The following CENPP variants were observed in gnomAD, a reference collection of about 807,000 sequenced individuals.
CENPP encodes centromere protein P.
CENPP carries 24 observed loss-of-function variants against 35.6 expected under a neutral mutation model. That is an observed-to-expected ratio of 0.67 (90% CI 0.49 to 0.95). CENPP has a LOEUF of 0.95. Among genes scored for constraint, CENPP ranks in the 40% least tolerant of loss-of-function variants. The pLI is 0.00. For synonymous variants in CENPP, 120 were observed against 125.5 expected, an observed-to-expected ratio of 0.96 and a Z score of 0.29; for missense variants, 332 against 345.3, an observed-to-expected ratio of 0.96 and a Z score of 0.31.
intron 4 of CENPP, among the ~76,000 whole-genome samples, chr9:92,362,574 G>C (rs1410458651): frequency 6.6e-6 from 1 of 152,196 alleles, no homozygotes; most frequent in Non-Finnish European, 1.5e-5. Flanking sequence ...CAATGAAACT[G>C]TTGTATTTCT....
chr9:92,568,922 T>C (rs1228228944), intron 5 of CENPP, among the ~76,000 whole-genome samples: 4 of 152,234 alleles, frequency 2.6e-5, no homozygotes, highest in Non-Finnish European at 5.9e-5. Flanking sequence ...GCCCACTTTT[T>C]GATGGGGTTG....
At chr9:92,401,541 C>T (rs980705178) in intron 5 of CENPP, among the ~76,000 whole-genome samples, 1 of 152,126 alleles carries the variant, frequency 6.6e-6, no homozygotes, top group African/African-American at 2.4e-5. Flanking sequence ...GAAACTGTTC[C>T]TCAGGGGTCT....
chr9:92,604,896 C>A (rs1171964172), intron 5 of CENPP, among the ~76,000 whole-genome samples: 2 of 152,034 alleles, frequency 1.3e-5, no homozygotes, highest in Admixed American at 6.6e-5. Context: ...ACCCGGCCTG[C>A]ATTTTTATTT....
chr9:92,451,361 C>A (rs1844703423), intron 5 of CENPP, among the ~76,000 whole-genome samples: 1 of 146,478 alleles, frequency 6.8e-6, no homozygotes, highest in Non-Finnish European at 1.5e-5. Flanking sequence ...GGAATCCTTT[C>A]CCCATTGCTT....
intron 5 of CENPP, among the ~76,000 whole-genome samples, chr9:92,402,954 A>G (rs1843178673): frequency 6.6e-6 from 1 of 152,184 alleles, no homozygotes; most frequent in Admixed American, 6.5e-5. Flanking sequence ...TAATATATAA[A>G]TTGCAACTGG....
chr9:92,485,612 G>C (rs1399933573), intron 5 of CENPP, among the ~76,000 whole-genome samples: 1 of 152,158 alleles, frequency 6.6e-6, no homozygotes, highest in Non-Finnish European at 1.5e-5. Context: ...TCTAGACATG[G>C]ACAACAGTGG....
chr9:92,568,448 G>C (rs1235473321), intron 5 of CENPP, among the ~76,000 whole-genome samples: 1 of 152,116 alleles, frequency 6.6e-6, no homozygotes. Flanking sequence ...GTATTCCATG[G>C]TGTATATGTG....
At chr9:92,609,228 C>A (rs1310553056) in intron 5 of CENPP, among the ~76,000 whole-genome samples, 1 of 152,270 alleles carries the variant, frequency 6.6e-6, no homozygotes, top group African/African-American at 2.4e-5. Context: ...CTGCGATGCA[C>A]CCTTGCCATG....
At chr9:92,599,106 ACT>A (rs1850847759) in intron 5 of CENPP, among the ~76,000 whole-genome samples, 1 of 150,484 alleles carries the variant, frequency 6.6e-6, no homozygotes, top group Admixed American at 6.6e-5. Context: ...CCAGAGTAAG[ACT>A]CTGTGTCAAA....
chr9:92,524,479 A>T (rs537248975), intron 5 of CENPP, among the ~76,000 whole-genome samples: 1 of 152,260 alleles, frequency 6.6e-6, no homozygotes, highest in Non-Finnish European at 1.5e-5. Flanking sequence ...CAAAGGATTC[A>T]CTCAGCCAAT....
At chr9:92,432,340 A>G (rs551894536) in intron 5 of CENPP, among the ~76,000 whole-genome samples, 2 of 152,152 alleles carry the variant, frequency 1.3e-5, no homozygotes, top group East Asian at 3.9e-4. Flanking sequence ...AAAAAAAGGA[A>G]AAAAGAAAAT....
chr9:92,479,034 T>C (rs1845817041), intron 5 of CENPP, among the ~76,000 whole-genome samples: 3 of 152,156 alleles, frequency 2.0e-5, no homozygotes, highest in Non-Finnish European at 4.4e-5. Context: ...GCCTTCAGCC[T>C]CGTGCCACCG....
intron 5 of CENPP, among the ~76,000 whole-genome samples, chr9:92,380,174 C>T (rs921969833): frequency 6.6e-6 from 1 of 152,186 alleles, no homozygotes; most frequent in Non-Finnish European, 1.5e-5. Flanking sequence ...AATATCATCA[C>T]AGCAGGCTTA....
chr9:92,575,952 C>A (rs1850273326), intron 5 of CENPP, among the ~76,000 whole-genome samples: 2 of 152,068 alleles, frequency 1.3e-5, no homozygotes. Context: ...CATAGCAGTT[C>A]CTAAGAAAAT....
intron 5 of CENPP, among the ~76,000 whole-genome samples, chr9:92,567,389 T>TATATATATATAG (rs1564005567): frequency 2.0e-5 from 2 of 98,044 alleles, no homozygotes; most frequent in Admixed American, 1.9e-4. Context: ...TATATATATA[T>TATATATATATAG]ATATATAGAT....
intron 4 of CENPP, among the ~76,000 whole-genome samples, chr9:92,377,922 T>C (rs1588072721): frequency 6.6e-6 from 1 of 152,162 alleles, no homozygotes; most frequent in Non-Finnish European, 1.5e-5. Flanking sequence ...CATAAACAGA[T>C]GTAAAAGATT....
intron 5 of CENPP, among the ~76,000 whole-genome samples, chr9:92,411,495 A>G (rs879758839): frequency 6.7e-6 from 1 of 149,894 alleles, no homozygotes; most frequent in Admixed American, 6.6e-5. Context: ...GAGTTTCACC[A>G]TGTTGCCCAG....
chr9:92,438,087 T>C (rs150137833), intron 5 of CENPP, among the ~76,000 whole-genome samples: 60 of 152,358 alleles, frequency 3.9e-4, no homozygotes, highest in African/African-American at 1.3e-3. Context: ...GGATTACAGA[T>C]GTCAGCCACT....
At chr9:92,448,108 A>G (rs965083729) in intron 5 of CENPP, among the ~76,000 whole-genome samples, 4 of 152,192 alleles carry the variant, frequency 2.6e-5, no homozygotes, top group African/African-American at 9.6e-5. Context: ...AATGTGTGTT[A>G]GCAAAGTTGT....
Sources: allele counts gnomAD v4.1 joint callset (sites outside exome capture counted in the v4.1 genomes callset), GRCh38; gene constraint gnomAD v4.1.1; transcripts MANE v1.5; gene names NCBI Gene and HGNC (gene_info 2026-07-23, HGNC 2026-07-21).